RAB8A: variants seen among roughly 807,000 people sequenced by gnomAD.
RAB8A encodes RAB8A, member RAS oncogene family, also known as ras-related protein Rab-8A.
In RAB8A, 5 loss-of-function variants were observed where a neutral mutation model predicts 29.2. That is an observed-to-expected ratio of 0.17 (90% confidence interval 0.09 to 0.36). The LOEUF (loss-of-function observed/expected upper bound fraction) is 0.36, where lower values mean the gene tolerates loss of function less well. Ranked by LOEUF, RAB8A falls within the 10% of genes least tolerant of loss-of-function variation. The probability of loss-of-function intolerance (pLI) is 1.00; values close to 1 mark genes in which losing one functional copy is unlikely to be tolerated. For missense variants in RAB8A, 171 were observed against 272.2 expected (o/e 0.63, Z 2.62); for synonymous variants, 108 against 99.9 (o/e 1.08, Z -0.49).
rs3745314 is a variant in RAB8A at position 16,132,780 on chromosome 19, A to C, written c.*476A>C. ...CTGAGCAAGGCAACCGATCGCCAGGACCAGGAAGCATCACCCAGGAGATTT... is the reference window on the plus strand; with the variant it reads ...CTGAGCAAGGCAACCGATCGCCAGGCCCAGGAAGCATCACCCAGGAGATTT... On this transcript the variant is annotated 3_prime_UTR_variant, in exon 8 of 8. Transcript: ENST00000300935. This position sits in a 1 kb window ranked among gnomAD's most constrained non-coding sequence, Gnocchi z 5.6. 0.14 allele frequency: 22,749 copies of C among 158,712 alleles called. 1,942 individuals carry two copies. The highest frequency in any genetic ancestry group is 0.29 in the East Asian group (1,548 of 5,292). The allele number at this position is 158,712 out of a possible 1,614,324, so 9.8% of individuals were successfully genotyped here. A position where few individuals can be genotyped will look rare whatever the true frequency, so the allele number is the denominator to read the frequency against.
In RAB8A at chr19:16,125,925, T is replaced by G; in HGVS notation, c.324+378T>G. 2.7e-6 allele frequency: 1 copy of G among 371,984 alleles called. No homozygotes were observed. Among genetic ancestry groups the G allele is most frequent in the Non-Finnish European group, 5.2e-6 (1 of 190,668 alleles). 23.0% of individuals were successfully genotyped at this position (371,984 alleles called of 1,614,324 possible). ...GAGGGTGTGGTGAGCAGGCGTCAGT[T>G]GTACTTTGAGCTATATCGGAGCAGG... On this transcript the variant is annotated intron_variant, in intron 4 of 7. Transcript: ENST00000300935. The surrounding 1 kb of genome is among the most constrained non-coding windows in gnomAD (Gnocchi z 5.0).
In RAB8A at chr19:16,127,691, G is replaced by A; in HGVS notation, c.414+165G>A. 1 of 620,850 alleles carries A rather than the reference G, an allele frequency of 1.6e-6. No individual in the cohort carries two copies. Among genetic ancestry groups the A allele is most frequent in the Admixed American group, 3.0e-5 (1 of 33,696 alleles). 38.5% of individuals were successfully genotyped at this position (620,850 alleles called of 1,614,324 possible). ...AGCACACACCCAGCCGGGGCTTCTT[G>A]GGTGCACTCTGCGGGCATCTCATCA... On this transcript the variant is annotated intron_variant, in intron 5 of 7. Coordinates refer to ENST00000300935, the MANE Select transcript of RAB8A (RefSeq NM_005370.5). This position sits in a 1 kb window ranked among gnomAD's most constrained non-coding sequence, Gnocchi z 4.8.
At position 16,125,341 on chromosome 19, in the gene RAB8A, G is replaced by C. The variant is rs562019431; in HGVS notation, c.247-129G>C. The C allele has an allele frequency of 2.7e-6, 2 of 747,984 alleles. No individual in the cohort carries two copies. The highest frequency in any genetic ancestry group is 4.5e-6 in the Non-Finnish European group (2 of 443,418). The allele number at this position is 747,984 out of a possible 1,614,324, so 46.3% of individuals were successfully genotyped here. The stretch of plus-strand genomic sequence containing the variant: ...TTCCGGGGCTCCACAGAGGTGGGGA[G>C]GGCGGCAGCTAATGGGCCTGGCTGT... On this transcript the variant is annotated intron_variant, in intron 3 of 7. Coordinates refer to ENST00000300935, the MANE Select transcript of RAB8A (RefSeq NM_005370.5). This position sits in a 1 kb window ranked among gnomAD's most constrained non-coding sequence, Gnocchi z 5.0.
At chr19:16,118,003 C>T (rs117803680) in intron 1 of RAB8A, among the ~76,000 whole-genome samples, 5,847 of 152,176 alleles carry the variant, frequency 0.038, 170 homozygotes, top group Non-Finnish European at 0.063. Context: ...TTGCCACCCG[C>T]GCCCCCTGGG....
chr19:16,125,650 ACTTGCCCAC>A lies in RAB8A; in HGVS notation c.324+104_324+112del. 9.3e-7 allele frequency: 1 copy of A among 1,078,850 alleles called. No homozygotes were observed. The highest frequency in any genetic ancestry group is 1.4e-6 in the Non-Finnish European group (1 of 716,348). The allele number at this position is 1,078,850 out of a possible 1,614,324, so 66.8% of individuals were successfully genotyped here. A position where few individuals can be genotyped will look rare whatever the true frequency, so the allele number is the denominator to read the frequency against. On this transcript the variant is annotated intron_variant, in intron 4 of 7. Coordinates refer to ENST00000300935, the MANE Select transcript of RAB8A (RefSeq NM_005370.5). The surrounding 1 kb of genome is among the most constrained non-coding windows in gnomAD (Gnocchi z 5.0). ...CAAGGTGCAGAGACACATACAGGCC[ACTTGCCCAC>A]AGCCTCCTAGTCAGGGACATGGTGG...
intron 1 of RAB8A, 127 bp from the exon 2 acceptor site, chr19:16,118,099 G>GC (rs2090854886): frequency 1.4e-6 from 1 of 713,812 alleles, no homozygotes. Context: ...CATCCTGCAT[G>GC]CCCAGCACCA....
At chr19:16,129,533 C>A in intron 6 of RAB8A, 21 bp from the exon 7 acceptor site, 1 of 1,613,680 alleles carries the variant, frequency 6.2e-7, no homozygotes, top group South Asian at 1.1e-5. Flanking sequence ...CCCAAGGACT[C>A]ACAATGTGCT....
rs971704917 is a variant in RAB8A at position 16,132,915 on chromosome 19, T to C, written c.*611T>C. The C allele has an allele frequency of 6.5e-6, 1 of 153,650 alleles. No homozygotes were observed. The highest frequency in any genetic ancestry group is 2.4e-5 in the African/African-American group (1 of 41,414). 9.5% of individuals were successfully genotyped at this position (153,650 alleles called of 1,614,324 possible). On this transcript the variant is annotated 3_prime_UTR_variant, in exon 8 of 8. Transcript: ENST00000300935. This position sits in a 1 kb window ranked among gnomAD's most constrained non-coding sequence, Gnocchi z 5.6. ...CAAAGGAAAGCACAAATGAAGGAAATCCTGTGTAAAGCATTGAGAAGGAAA... is the reference window on the plus strand; with the variant it reads ...CAAAGGAAAGCACAAATGAAGGAAACCCTGTGTAAAGCATTGAGAAGGAAA...
intron 6 of RAB8A, 133 bp downstream of exon 6, chr19:16,128,224 T>C (rs2090910428): frequency 2.2e-6 from 2 of 927,962 alleles, no homozygotes; most frequent in Admixed American, 2.3e-5. Context: ...CAGTCAGTCC[T>C]CTGAGGGACA....
At chr19:16,131,457 G>A (rs1230263094) in intron 7 of RAB8A, among the ~76,000 whole-genome samples, 1 of 152,046 alleles carries the variant, frequency 6.6e-6, no homozygotes, top group South Asian at 2.1e-4. Flanking sequence ...TGGTTGGAAG[G>A]GGATGGATGA....
Position 16,125,919 on chromosome 19 carries a change from G to A in RAB8A, c.324+372G>A, listed in dbSNP as rs1568321352. 7 of 378,856 alleles carry A rather than the reference G, an allele frequency of 1.8e-5. No individual in the cohort carries two copies. The East Asian group carries it at 1.9e-4, about 10-fold the overall frequency. The allele number at this position is 378,856 out of a possible 1,614,324, so 23.5% of individuals were successfully genotyped here. On this transcript the variant is annotated intron_variant, in intron 4 of 7. Coordinates refer to ENST00000300935, the MANE Select transcript of RAB8A (RefSeq NM_005370.5). This position sits in a 1 kb window ranked among gnomAD's most constrained non-coding sequence, Gnocchi z 5.0. ...TAGTTGGAGGGTGTGGTGAGCAGGC[G>A]TCAGTTGTACTTTGAGCTATATCGG...
At chr19:16,129,253 G>A (rs1383481050) in intron 6 of RAB8A, among the ~76,000 whole-genome samples, 1 of 152,202 alleles carries the variant, frequency 6.6e-6, no homozygotes, top group Admixed American at 6.5e-5. Context: ...CCAACTGAGT[G>A]TCGCCCCATC....
chr19:16,111,952 G>A lies in RAB8A; in HGVS notation c.51G>A (p.Ser17=). The change falls in exon 1 of 8, where the codon TCG becomes TCA. Residue 17 remains serine, a synonymous_variant. Coordinates refer to ENST00000300935, the MANE Select transcript of RAB8A (RefSeq NM_005370.5). Reference sequence around the variant, plus strand: ...TCAAGCTGCTGCTGATCGGGGACTCGGGGGTGGGGAAGACCTGTGTCCTGT... The same window carrying A: ...TCAAGCTGCTGCTGATCGGGGACTCAGGGGTGGGGAAGACCTGTGTCCTGT... ...YLFKLLLIGD[S]GVGKTCVLFR... 6.2e-7 allele frequency: 1 copy of A among 1,614,042 alleles called. No homozygotes were observed. Among genetic ancestry groups the A allele is most frequent in the Non-Finnish European group, 8.5e-7 (1 of 1,179,878 alleles).
chr19:16,117,828 C>T (rs751866540), intron 1 of RAB8A, among the ~76,000 whole-genome samples: 115 of 152,232 alleles, frequency 7.6e-4, no homozygotes, highest in Non-Finnish European at 1.4e-3. Context: ...TGTGCATTGA[C>T]GCATGGTGGG....
intron 2 of RAB8A, among the ~76,000 whole-genome samples, chr19:16,119,991 T>C (rs1290171191): frequency 6.6e-6 from 1 of 152,052 alleles, no homozygotes; most frequent in African/African-American, 2.4e-5. Context: ...TTTTGTATTT[T>C]TAGTAGAGAC....
chr19:16,114,445 C>T (rs1419776038), intron 1 of RAB8A, among the ~76,000 whole-genome samples: 1 of 142,592 alleles, frequency 7.0e-6, no homozygotes, highest in Non-Finnish European at 1.5e-5. Context: ...GGCGCGATCT[C>T]GGCTCACTGC....
intron 2 of RAB8A, 88 bp downstream of exon 2, chr19:16,118,374 G>C: frequency 8.0e-7 from 1 of 1,248,366 alleles, no homozygotes; most frequent in Admixed American, 1.9e-5. Context: ...CCGTCCCTGT[G>C]ACCTTGGCCT....
chr19:16,127,635 C>A lies in RAB8A; in HGVS notation c.414+109C>A. Reference sequence around the variant, plus strand: ...CAGGGGCCTGAGACGAGTTGGTCACCCCAGTGGGGCACGTGCCATGGGATG... The same window carrying A: ...CAGGGGCCTGAGACGAGTTGGTCACACCAGTGGGGCACGTGCCATGGGATG... On this transcript the variant is annotated intron_variant, in intron 5 of 7. Transcript: ENST00000300935. This position sits in a 1 kb window ranked among gnomAD's most constrained non-coding sequence, Gnocchi z 4.8. 1 of 863,812 alleles carries A rather than the reference C, an allele frequency of 1.2e-6. No individual in the cohort carries two copies. The highest frequency in any genetic ancestry group is 1.7e-6 in the Non-Finnish European group (1 of 576,112). The allele number at this position is 863,812 out of a possible 1,614,324, so 53.5% of individuals were successfully genotyped here.
rs1345065480 is a variant in RAB8A at position 16,127,871 on chromosome 19, T to C, written c.415-155T>C. 2 of 753,134 alleles carry C rather than the reference T, an allele frequency of 2.7e-6. No homozygotes were observed. The highest frequency in any genetic ancestry group is 2.7e-5 in the East Asian group (1 of 37,386). The allele number at this position is 753,134 out of a possible 1,614,324, so 46.7% of individuals were successfully genotyped here. On this transcript the variant is annotated intron_variant, in intron 5 of 7. Transcript: ENST00000300935. The surrounding 1 kb of genome is among the most constrained non-coding windows in gnomAD (Gnocchi z 4.8). ...AGGCCCTGTGGAGGGGCATTCACTA[T>C]AGAATTGAGGGAGTGATCCAGGAAG...
Sources: allele counts gnomAD v4.1 joint callset (sites outside exome capture counted in the v4.1 genomes callset), GRCh38; gene constraint gnomAD v4.1.1; non-coding constraint Gnocchi (gnomAD v3.1); transcripts MANE v1.5; gene names NCBI Gene and HGNC (gene_info 2026-07-23, HGNC 2026-07-21).